Variants in SYCP1 observed in about 807,000 individuals in gnomAD.
The protein encoded by SYCP1 is cancer/testis antigen 8.
Under a neutral mutation model 153.1 loss-of-function variants are expected in SYCP1, and 64 were observed. The observed-to-expected ratio is 0.42, with a 90% CI of 0.34 to 0.51. The LOEUF (loss-of-function observed/expected upper bound fraction) is 0.51, where lower values mean the gene tolerates loss of function less well. SYCP1 is among the 20% of genes least tolerant of loss of function. SYCP1 has a pLI of 0.06. For missense variants in SYCP1, 997 were observed against 1,049.0 expected, an observed-to-expected ratio of 0.95 and a Z score of 0.68; for synonymous variants, 384 against 341.8, an observed-to-expected ratio of 1.12 and a Z score of -1.36.
intron 20 of SYCP1, among the ~76,000 whole-genome samples, chr1:114,914,256 C>T (rs1319460173): frequency 1.3e-5 from 2 of 151,728 alleles, no homozygotes; most frequent in South Asian, 2.1e-4. Context: ...TGAGATTAGA[C>T]AGAAATTTTA....
At chr1:114,925,217 A>G (rs2101735189) in intron 21 of SYCP1, among the ~76,000 whole-genome samples, 1 of 152,260 alleles carries the variant, frequency 6.6e-6, no homozygotes, top group Non-Finnish European at 1.5e-5. Context: ...TTAATGTGCT[A>G]AATACTTGGT....
intron 20 of SYCP1, among the ~76,000 whole-genome samples, chr1:114,916,018 T>C (rs1279020667): frequency 1.3e-5 from 2 of 152,156 alleles, no homozygotes; most frequent in Non-Finnish European, 2.9e-5. Flanking sequence ...GCAGGAACCA[T>C]GTTCAGCCCC....
intron 27 of SYCP1, among the ~76,000 whole-genome samples, chr1:114,964,238 A>C (rs952560866): frequency 1.3e-4 from 19 of 151,834 alleles, no homozygotes; most frequent in Admixed American, 4.6e-4. Flanking sequence ...TTTTCTTGTA[A>C]ATTTGTTTAA....
intron 23 of SYCP1, 111 bp downstream of exon 23, chr1:114,926,674 T>C (rs916197083): frequency 1.6e-5 from 15 of 920,806 alleles, no homozygotes; most frequent in South Asian, 1.1e-4. Context: ...CATAACAGTA[T>C]CAATTGAAAA....
chr1:114,986,188 G>A (rs923271303), intron 30 of SYCP1, among the ~76,000 whole-genome samples: 64 of 152,084 alleles, frequency 4.2e-4, no homozygotes, highest in African/African-American at 1.4e-3. Flanking sequence ...GTTTACAGAT[G>A]AGGAAACTGA....
At chr1:114,909,584 T>C (rs1668049362) in intron 16 of SYCP1, among the ~76,000 whole-genome samples, 1 of 151,572 alleles carries the variant, frequency 6.6e-6, no homozygotes, top group Non-Finnish European at 1.5e-5. Context: ...AAGTTTTCAG[T>C]GGGAGAGTTG....
Position 114,856,636 on chromosome 1 carries a change from A to T in SYCP1, c.172A>T (p.Asn58Tyr). The change falls in exon 3 of 32, where the codon AAT becomes TAT. Residue 58 changes from asparagine (N) to tyrosine (Y), a missense_variant. By Grantham distance (143) the Asn-to-Tyr change is moderately radical. Transcript: ENST00000369522. ...FPFAKTNLSK[N>Y]GENIDSDPAL... ...ATTTGCAAAGACTAATCTCTCCAAA[A>T]ATGGGGAAAACATTGATTCAGGTAG... 1 of 1,612,256 alleles carries T rather than the reference A, an allele frequency of 6.2e-7. No homozygotes were observed. The highest frequency in any genetic ancestry group is 8.5e-7 in the Non-Finnish European group (1 of 1,179,226).
chr1:114,962,977 A>G (rs1671875273), intron 27 of SYCP1, among the ~76,000 whole-genome samples: 1 of 152,204 alleles, frequency 6.6e-6, no homozygotes, highest in African/African-American at 2.4e-5. Flanking sequence ...TATTTTGTTT[A>G]AGGAGCCTAA....
intron 16 of SYCP1, among the ~76,000 whole-genome samples, chr1:114,908,996 G>T (rs950533081): frequency 6.6e-6 from 1 of 152,120 alleles, no homozygotes; most frequent in Non-Finnish European, 1.5e-5. Context: ...CTATCAGTTT[G>T]CTAGATTCAA....
chr1:114,951,634 A>G (rs1264768852), intron 27 of SYCP1, among the ~76,000 whole-genome samples: 1 of 152,212 alleles, frequency 6.6e-6, no homozygotes, highest in Non-Finnish European at 1.5e-5. Flanking sequence ...TGTAAGAAAT[A>G]ATGTAGAGAG....
At chr1:114,989,779 A>T (rs1673792273) in intron 30 of SYCP1, among the ~76,000 whole-genome samples, 1 of 151,998 alleles carries the variant, frequency 6.6e-6, no homozygotes, top group South Asian at 2.1e-4. Context: ...ATTAATAATA[A>T]AAAGTTTAAT....
chr1:114,858,765 T>C, intron 6 of SYCP1, 54 bp downstream of exon 6: 1 of 1,419,190 alleles, frequency 7.0e-7, no homozygotes, highest in East Asian at 2.3e-5. Context: ...ATCATAATAC[T>C]GTTGAAAGTA....
chr1:114,885,649 T>C lies in SYCP1; in HGVS notation c.1005+20T>C. 7.3e-7 allele frequency: 1 copy of C among 1,374,666 alleles called. No homozygotes were observed. Among genetic ancestry groups the C allele is most frequent in the South Asian group, 1.3e-5 (1 of 78,932 alleles). The allele number at this position is 1,374,666 out of a possible 1,614,324, so 85.2% of individuals were successfully genotyped here. On this transcript the variant is annotated intron_variant, in intron 13 of 31. Coordinates refer to ENST00000369522, the MANE Select transcript of SYCP1 (RefSeq NM_003176.4). ...AGTGTGGTATGATTTAAAAACTCATTAGTGTGTAATAAGTCTCACCCTATC... is the reference window on the plus strand; with the variant it reads ...AGTGTGGTATGATTTAAAAACTCATCAGTGTGTAATAAGTCTCACCCTATC...
chr1:114,923,381 G>A, intron 20 of SYCP1, 68 bp from the exon 21 acceptor site: 1 of 1,430,798 alleles, frequency 7.0e-7, no homozygotes. Flanking sequence ...TCCTTATTTT[G>A]AGTTATTTGA....
chr1:114,873,962 C>T (rs1329705070), intron 8 of SYCP1, among the ~76,000 whole-genome samples: 1 of 152,126 alleles, frequency 6.6e-6, no homozygotes, highest in African/African-American at 2.4e-5. Context: ...GAACTCCTGG[C>T]ATCAAGCAAC....
At position 114,857,445 on chromosome 1, in the gene SYCP1, T is replaced by C; in HGVS notation, c.239T>C (p.Val80Ala). 1 of 1,598,364 alleles carries C rather than the reference T, an allele frequency of 6.3e-7. No homozygotes were observed. The highest frequency in any genetic ancestry group is 8.5e-7 in the Non-Finnish European group (1 of 1,172,242). ...TTATAGAAACATCTATCTTTTTAGG[T>C]TGGTAATTCTGACTGTCACTATCAG... The part of the protein sequence containing the change: ...KVNFLPVLEQ[V>A]GNSDCHYQEG... Residue 80 changes from valine (V) to alanine (A), a missense_variant and splice_region_variant, in exon 5 of 32, where the codon GTT becomes GCT. Physicochemically the swap from Val to Ala is moderately conservative, Grantham distance 64. Coordinates refer to ENST00000369522, the MANE Select transcript of SYCP1 (RefSeq NM_003176.4).
chr1:114,945,185 T>C (rs1471847536), intron 25 of SYCP1, among the ~76,000 whole-genome samples: 2 of 152,030 alleles, frequency 1.3e-5, no homozygotes, highest in Non-Finnish European at 2.9e-5. Flanking sequence ...GTGTGTCACA[T>C]CCTTGAGGAA....
At chr1:114,981,535 T>G in intron 29 of SYCP1, 23 bp downstream of exon 29, 1 of 1,560,350 alleles carries the variant, frequency 6.4e-7, no homozygotes, top group East Asian at 2.3e-5. Flanking sequence ...ATTTTCCATG[T>G]TAGTAGTAAT....
chr1:114,921,066 A>C (rs1267761848), intron 20 of SYCP1, among the ~76,000 whole-genome samples: 3 of 150,802 alleles, frequency 2.0e-5, no homozygotes, highest in Admixed American at 6.6e-5. Flanking sequence ...TCTTTCCTTC[A>C]TGTTTTCCTT....
Sources: gnomAD v4.1 joint callset for allele counts (sites outside exome capture counted in the v4.1 genomes callset) on GRCh38, gnomAD v4.1.1 for gene constraint, MANE v1.5 for transcripts, NCBI Gene and HGNC (gene_info 2026-07-23, HGNC 2026-07-21) for gene names.